The following STARD13 variants were observed in gnomAD, a reference collection of about 807,000 sequenced individuals.
The protein encoded by STARD13 is stAR-related lipid transfer protein 13.
Under a neutral mutation model 106.4 loss-of-function variants are expected in STARD13, and 62 were observed. That is an observed-to-expected ratio of 0.58 (90% CI 0.48 to 0.72). The LOEUF (loss-of-function observed/expected upper bound fraction) is 0.72, where lower values mean the gene tolerates loss of function less well. Ranked by LOEUF, STARD13 falls within the 30% of genes least tolerant of loss-of-function variation. The pLI is 0.00. For missense variants in STARD13, 1,387 were observed against 1,424.0 expected (o/e 0.97, Z 0.42); for synonymous variants, 565 against 553.0 (o/e 1.02, Z -0.31).
chr13:33,262,308 C>T (rs374649317), intron 1 of STARD13, among the ~76,000 whole-genome samples: 3 of 152,190 alleles, frequency 2.0e-5, no homozygotes, highest in Admixed American at 6.5e-5. Context: ...TGGGCCCCGT[C>T]TGCCTGCCTC....
At chr13:33,606,566 T>G in the STARD13 span, among the ~76,000 whole-genome samples, 1 of 152,252 alleles carries the variant, frequency 6.6e-6, no homozygotes, top group Non-Finnish European at 1.5e-5. Context: ...ATGGGCATTT[T>G]AAGGCTGTCT....
chr13:33,512,457 G>GT, the STARD13 span, among the ~76,000 whole-genome samples: 8 of 152,064 alleles, frequency 5.3e-5, no homozygotes, highest in South Asian at 2.1e-4. Flanking sequence ...AATTTACTAT[G>GT]TTTTTTCACT....
intron 4 of STARD13, among the ~76,000 whole-genome samples, chr13:33,132,335 C>T (rs888234304): frequency 6.6e-6 from 1 of 152,070 alleles, no homozygotes; most frequent in African/African-American, 2.4e-5. Context: ...GGGGGTGGTT[C>T]CCCCATACTG....
At chr13:33,433,434 G>A in the STARD13 span, among the ~76,000 whole-genome samples, 1 of 152,176 alleles carries the variant, frequency 6.6e-6, no homozygotes, top group African/African-American at 2.4e-5. Flanking sequence ...GGGTTCCAGA[G>A]GAAGATGTGA....
intron 1 of STARD13, among the ~76,000 whole-genome samples, chr13:33,176,005 G>A (rs1594043351): frequency 6.6e-6 from 1 of 152,166 alleles, no homozygotes; most frequent in Non-Finnish European, 1.5e-5. Context: ...ATTCTGTTAG[G>A]ATAAAGTCAC....
the STARD13 span, among the ~76,000 whole-genome samples, chr13:33,489,931 T>C: frequency 6.6e-6 from 1 of 152,144 alleles, no homozygotes; most frequent in African/African-American, 2.4e-5. Context: ...AATTGGAACA[T>C]TGCTGAAAGG....
chr13:33,343,602 T>A (rs61945471), intron 1 of STARD13, among the ~76,000 whole-genome samples: 35,685 of 69,810 alleles, frequency 0.51, 10,847 homozygotes, highest in East Asian at 0.84. Flanking sequence ...AAAAAACAAA[T>A]CTACAAATCT....
chr13:33,195,610 A>C (rs1037181921), intron 1 of STARD13, among the ~76,000 whole-genome samples: 10 of 152,212 alleles, frequency 6.6e-5, no homozygotes, highest in Non-Finnish European at 1.3e-4. Flanking sequence ...CAGGAAGCCG[A>C]CACGTAGCAC....
chr13:33,266,944 A>G (rs897913187), intron 1 of STARD13, among the ~76,000 whole-genome samples: 2 of 152,246 alleles, frequency 1.3e-5, no homozygotes, highest in African/African-American at 4.8e-5. Context: ...AGGTTCTCCA[A>G]TAGAAGAGCT....
chr13:33,232,809 C>A (rs1288419713), intron 1 of STARD13, among the ~76,000 whole-genome samples: 1 of 152,234 alleles, frequency 6.6e-6, no homozygotes, highest in Non-Finnish European at 1.5e-5. Context: ...TACATCCAGA[C>A]AATGAGATAC....
At chr13:33,302,888 T>C (rs1235619127) in intron 1 of STARD13, among the ~76,000 whole-genome samples, 1 of 152,256 alleles carries the variant, frequency 6.6e-6, no homozygotes, top group Non-Finnish European at 1.5e-5. Context: ...TCTGATACTA[T>C]TTTAAAATAT....
the STARD13 span, among the ~76,000 whole-genome samples, chr13:33,541,518 T>C: frequency 6.6e-6 from 1 of 152,222 alleles, no homozygotes; most frequent in Non-Finnish European, 1.5e-5. Context: ...CAGTACCAAC[T>C]ACCCAGACTA....
intron 1 of STARD13, among the ~76,000 whole-genome samples, chr13:33,197,551 G>A (rs1265654488): frequency 6.6e-6 from 1 of 152,044 alleles, no homozygotes; most frequent in African/African-American, 2.4e-5. Context: ...TCTCAGATCT[G>A]ATGAAGGAAC....
chr13:33,255,989 G>A (rs9591626), intron 1 of STARD13, among the ~76,000 whole-genome samples: 1 of 152,148 alleles, frequency 6.6e-6, no homozygotes, highest in Non-Finnish European at 1.5e-5. Flanking sequence ...TAAATAAAAA[G>A]CATAAATATA....
chr13:33,527,045 T>C, the STARD13 span, among the ~76,000 whole-genome samples: 1 of 152,150 alleles, frequency 6.6e-6, no homozygotes. Context: ...AGAAAAATAT[T>C]ATTTATTAAG....
the STARD13 span, among the ~76,000 whole-genome samples, chr13:33,370,546 A>G: frequency 1.3e-5 from 2 of 152,176 alleles, no homozygotes; most frequent in East Asian, 3.9e-4. Flanking sequence ...TATGTAAAAC[A>G]AAATTGTATT....
At chr13:33,658,395 T>C in the STARD13 span, 1 of 152,260 alleles carries the variant, frequency 6.6e-6, no homozygotes, top group Non-Finnish European at 1.5e-5. Context: ...TATGATTGTT[T>C]TGTTTATGTG....
chr13:33,203,149 G>A (rs1399896547), intron 1 of STARD13, among the ~76,000 whole-genome samples: 1 of 152,142 alleles, frequency 6.6e-6, no homozygotes. Flanking sequence ...TGAATGGCGT[G>A]GCTCCCAAGG....
At chr13:33,117,851 G>A in intron 8 of STARD13, 1 of 985,164 alleles carries the variant, frequency 1.0e-6, no homozygotes, top group Non-Finnish European at 1.2e-6. Flanking sequence ...ATATTTTGAT[G>A]TCAAAAAGGT....
Sources: gnomAD v4.1 joint callset for allele counts (sites outside exome capture counted in the v4.1 genomes callset) on GRCh38, gnomAD v4.1.1 for gene constraint, MANE v1.5 for transcripts, NCBI Gene and HGNC (gene_info 2026-07-23, HGNC 2026-07-21) for gene names.